The following CBFA2T3 variants were observed in gnomAD, a reference collection of about 807,000 sequenced individuals.
CBFA2T3 encodes CBFA2/RUNX1 partner transcriptional co-repressor 3.
CBFA2T3 carries 31 observed loss-of-function variants against 58.6 expected under a neutral mutation model. That is an observed-to-expected ratio of 0.53 (90% confidence interval 0.40 to 0.71). The LOEUF is 0.71. Among genes scored for constraint, CBFA2T3 ranks in the 30% least tolerant of loss-of-function variants. The pLI is 0.00. For missense variants in CBFA2T3, 1,076 were observed against 963.1 expected, an observed-to-expected ratio of 1.12 and a Z score of -1.55; for synonymous variants, 531 against 421.9, an observed-to-expected ratio of 1.26 and a Z score of -3.17.
chr16:88,936,333 C>A (rs1971498972), intron 1 of CBFA2T3, among the ~76,000 whole-genome samples: 1 of 152,184 alleles, frequency 6.6e-6, no homozygotes, highest in Non-Finnish European at 1.5e-5. Context: ...CAGAAGACTG[C>A]CCCGGTGCCT....
In CBFA2T3 at chr16:88,887,981, C is replaced by A. The variant is rs529619152; in HGVS notation, c.712-1839G>T. Among the ~76,000 whole-genome samples, 4 of 152,316 alleles carry A rather than the reference C, an allele frequency of 2.6e-5. No individual in the cohort carries two copies. In the South Asian group the frequency reaches 8.3e-4, roughly 32 times the overall value. ...AAAGCCTCCCTGACCGTGGGCTCTG[C>A]CATAGAGGGGCTGTGGCCTTGGGCT... On this transcript the variant is annotated intron_variant, in intron 5 of 11. Coordinates refer to ENST00000268679, the MANE Select transcript of CBFA2T3 (RefSeq NM_005187.6).
chr16:88,960,865 G>C (rs1349572635), intron 1 of CBFA2T3, among the ~76,000 whole-genome samples: 2 of 152,244 alleles, frequency 1.3e-5, no homozygotes, highest in African/African-American at 4.8e-5. Flanking sequence ...AGGTCTGCCA[G>C]ATTTTGGAGA....
chr16:88,973,105 G>T (rs1972697724), intron 1 of CBFA2T3, among the ~76,000 whole-genome samples: 1 of 152,238 alleles, frequency 6.6e-6, no homozygotes, highest in African/African-American at 2.4e-5. Context: ...AGACCGCCCG[G>T]CTGCTCATGT....
chr16:88,919,827 G>T (rs986867091), intron 1 of CBFA2T3, among the ~76,000 whole-genome samples: 1 of 152,132 alleles, frequency 6.6e-6, no homozygotes, highest in African/African-American at 2.4e-5. Context: ...TCTGGAGGCC[G>T]CATCAGACCC....
intron 1 of CBFA2T3, among the ~76,000 whole-genome samples, chr16:88,970,865 G>A (rs1006812479): frequency 1.3e-5 from 2 of 152,224 alleles, no homozygotes; most frequent in African/African-American, 2.4e-5. Context: ...TGAGTAGTAC[G>A]TAAGGGGGCA....
chr16:88,947,219 C>T (rs1228052681), intron 1 of CBFA2T3, among the ~76,000 whole-genome samples: 7 of 152,224 alleles, frequency 4.6e-5, no homozygotes, highest in East Asian at 1.9e-4. Context: ...CGGCGCTTTC[C>T]GCCCAGTTGT....
chr16:88,926,888 G>A lies in CBFA2T3; in HGVS notation c.152-25232C>T, dbSNP rs865941878. 2.6e-5 allele frequency among the ~76,000 whole-genome samples: 4 copies of A among 152,290 alleles called. No homozygotes were observed. In the Middle Eastern group the frequency reaches 0.01, roughly 388 times the overall value. On this transcript the variant is annotated intron_variant, in intron 1 of 11. Coordinates refer to ENST00000268679, the MANE Select transcript of CBFA2T3 (RefSeq NM_005187.6). ...CACAGCGAGGTCCTTGCAGCAGCAG[G>A]GCAGCCCCGTCCGGCCCCCGCTGCC...
At chr16:88,967,228 C>T (rs955182486) in intron 1 of CBFA2T3, among the ~76,000 whole-genome samples, 1 of 148,234 alleles carries the variant, frequency 6.7e-6, no homozygotes, top group African/African-American at 2.6e-5. Flanking sequence ...CCCCCAGCCC[C>T]CGAGGTGCCA....
intron 1 of CBFA2T3, chr16:88,941,124 G>C: frequency 1.0e-6 from 1 of 984,270 alleles, no homozygotes; most frequent in Non-Finnish European, 1.2e-6. Context: ...CCACGACTCA[G>C]GGGCGGCTGC....
intron 1 of CBFA2T3, among the ~76,000 whole-genome samples, chr16:88,973,013 C>T (rs147850452): frequency 0.01 from 1,581 of 152,328 alleles, 12 homozygotes; most frequent in Non-Finnish European, 0.018. Flanking sequence ...AGCCCACAGA[C>T]ACCCTGGCCG....
rs768925956 is a variant in CBFA2T3 at position 88,891,907 on chromosome 16, C to T, written c.686G>A (p.Arg229Gln). The part of the protein sequence containing the change: ...KLQEATNFPL[R>Q]PFVIPFLKAN... ...CTTCAGGAAGGGAATGACAAACGGC[C>T]GCAGAGGGAAGTTGGTGGCCTCCTG... is the stretch of plus-strand genomic sequence containing the variant. The change falls in exon 5 of 12, where the codon CGG (arginine) becomes CAG (glutamine). Residue 229 changes from arginine to glutamine, a missense_variant. Coordinates refer to ENST00000268679, the MANE Select transcript of CBFA2T3 (RefSeq NM_005187.6). The T allele has an allele frequency of 6.2e-6, 10 of 1,612,956 alleles. No homozygotes were observed. Among genetic ancestry groups the T allele is most frequent in the Non-Finnish European group, 7.6e-6 (9 of 1,179,640 alleles).
chr16:88,875,014 C>G lies in CBFA2T3; in HGVS notation c.*1962G>C. 1 of 234,280 alleles carries G rather than the reference C, an allele frequency of 4.3e-6. No homozygotes were observed. The highest frequency in any genetic ancestry group is 8.5e-6 in the Non-Finnish European group (1 of 118,338). The allele number at this position is 234,280 out of a possible 1,614,324, so 14.5% of individuals were successfully genotyped here. On this transcript the variant is annotated 3_prime_UTR_variant, in exon 12 of 12. Coordinates refer to ENST00000268679, the MANE Select transcript of CBFA2T3 (RefSeq NM_005187.6). ...TGGCTGGTTCAGTAGCTGGGTCACTCCCGTATTGCACTGAGTTCCTAGAAC... is the reference window on the plus strand; with the variant it reads ...TGGCTGGTTCAGTAGCTGGGTCACTGCCGTATTGCACTGAGTTCCTAGAAC...
chr16:88,882,799 C>T, intron 7 of CBFA2T3, 38 bp from the exon 8 acceptor site: 1 of 1,345,908 alleles, frequency 7.4e-7, no homozygotes, highest in South Asian at 1.2e-5. Context: ...GTCCCACCCA[C>T]AGCCAGTCTC....
At chr16:88,975,609 T>G (rs530471727) in intron 1 of CBFA2T3, among the ~76,000 whole-genome samples, 3 of 152,382 alleles carry the variant, frequency 2.0e-5, no homozygotes, top group South Asian at 4.1e-4. Flanking sequence ...AAGGTGGCTC[T>G]GAGTCACCCA....
intron 1 of CBFA2T3, chr16:88,951,343 C>G (rs1242186283): frequency 2.2e-6 from 1 of 457,356 alleles, no homozygotes; most frequent in African/African-American, 2.0e-5. Flanking sequence ...TCCATCCCTC[C>G]CTTTGTTTGT....
chr16:88,907,527 G>A (rs139543056), intron 1 of CBFA2T3, among the ~76,000 whole-genome samples: 138 of 150,994 alleles, frequency 9.1e-4, no homozygotes, highest in African/African-American at 3.1e-3. Context: ...ATTCTTCCGC[G>A]GCCCTGAGAT....
At chr16:88,927,519 G>A (rs959681856) in intron 1 of CBFA2T3, among the ~76,000 whole-genome samples, 2 of 152,226 alleles carry the variant, frequency 1.3e-5, no homozygotes, top group Admixed American at 1.3e-4. Flanking sequence ...CCCTTCATGA[G>A]GTCAGAGCTG....
intron 1 of CBFA2T3, among the ~76,000 whole-genome samples, chr16:88,972,828 G>C (rs371332715): frequency 2.6e-5 from 4 of 152,246 alleles, no homozygotes; most frequent in African/African-American, 7.2e-5. Context: ...CGGGAGGTGA[G>C]GTCTGAGGGT....
intron 1 of CBFA2T3, among the ~76,000 whole-genome samples, chr16:88,903,190 T>G (rs550651799): frequency 6.6e-6 from 1 of 152,322 alleles, no homozygotes; most frequent in African/African-American, 2.4e-5. Context: ...GACGGATAAA[T>G]GACTTCTACA....
Sources: gnomAD v4.1 joint callset for allele counts (sites outside exome capture counted in the v4.1 genomes callset) on GRCh38, gnomAD v4.1.1 for gene constraint, MANE v1.5 for transcripts, NCBI Gene and HGNC (gene_info 2026-07-23, HGNC 2026-07-21) for gene names.